ATP13A3: variants seen among roughly 807,000 people sequenced by gnomAD.
ATP13A3 encodes the protein polyamine-transporting ATPase 13A3.
Under a neutral mutation model 158.1 loss-of-function variants are expected in ATP13A3, and 59 were observed. That is an observed-to-expected ratio of 0.37 (90% CI 0.30 to 0.46). ATP13A3 has a LOEUF of 0.46. Among genes scored for constraint, ATP13A3 ranks in the 20% least tolerant of loss-of-function variants. The pLI, the probability that ATP13A3 is intolerant of heterozygous loss-of-function variation, is 1.00. For synonymous variants in ATP13A3, 491 were observed against 504.3 expected (o/e 0.97, Z 0.35); for missense variants, 1,166 against 1,525.2 (o/e 0.76, Z 3.92).
intron 21 of ATP13A3, 39 bp downstream of exon 21, chr3:194,433,733 A>G (rs755004003): frequency 3.1e-6 from 5 of 1,610,890 alleles, no homozygotes; most frequent in Non-Finnish European, 4.2e-6. Flanking sequence ...CAGCTCTGTC[A>G]CACTCCATTT....
chr3:194,462,014 A>G, intron 3 of ATP13A3, 126 bp downstream of exon 3: 2 of 822,096 alleles, frequency 2.4e-6, no homozygotes, highest in South Asian at 3.1e-5. Context: ...CACAGGATGA[A>G]GAAAGAAGCC....
chr3:194,468,758 A>G (rs1720150506), intron 2 of ATP13A3, among the ~76,000 whole-genome samples: 2 of 152,242 alleles, frequency 1.3e-5, no homozygotes, highest in African/African-American at 2.4e-5. Context: ...AGTGATTTAA[A>G]TAACGACCTG....
At chr3:194,411,727 A>T (rs1715449690) in intron 33 of ATP13A3, among the ~76,000 whole-genome samples, 1 of 152,226 alleles carries the variant, frequency 6.6e-6, no homozygotes, top group South Asian at 2.1e-4. Context: ...AAGGGACAGT[A>T]ACTGACAAGA....
intron 15 of ATP13A3, among the ~76,000 whole-genome samples, chr3:194,442,834 G>C (rs1434376741): frequency 6.6e-6 from 1 of 151,972 alleles, no homozygotes; most frequent in Non-Finnish European, 1.5e-5. Context: ...AGAAAAAAAA[G>C]ATTACTAAAA....
chr3:194,410,321 A>AAAAC (rs1715297262), intron 33 of ATP13A3, among the ~76,000 whole-genome samples: 8 of 119,114 alleles, frequency 6.7e-5, no homozygotes, highest in Admixed American at 5.7e-4. Flanking sequence ...AAAAAAAAAA[A>AAAAC]AAAAAAAAAA....
At chr3:194,428,292 C>A (rs530345997) in intron 28 of ATP13A3, among the ~76,000 whole-genome samples, 2 of 151,494 alleles carry the variant, frequency 1.3e-5, no homozygotes, top group East Asian at 1.9e-4. Flanking sequence ...TGAAAAGATA[C>A]TTTGAGACTG....
rs1042971169 is a variant in ATP13A3, at chr3:194,427,323, T to C, written c.2948-71A>G. 11 of 1,359,866 alleles carry C rather than the reference T, an allele frequency of 8.1e-6. No individual in the cohort carries two copies. In the African/African-American group the frequency reaches 1.6e-4, roughly 20 times the overall value. The allele number at this position is 1,359,866 out of a possible 1,614,324, so 84.2% of individuals were successfully genotyped here. On this transcript the variant is annotated intron_variant, in intron 28 of 33. Transcript: ENST00000645319. ...TATCACTATATAAGGCATAACTAGA[T>C]TCATTTAGGAACTTTAAAAATTTGT...
intron 30 of ATP13A3, among the ~76,000 whole-genome samples, chr3:194,420,960 G>A (rs1244669656): frequency 6.7e-6 from 1 of 149,340 alleles, no homozygotes; most frequent in Non-Finnish European, 1.5e-5. Flanking sequence ...TTTACTGACT[G>A]TAAATGAAGG....
intron 1 of ATP13A3, among the ~76,000 whole-genome samples, 195 bp from the exon 2 acceptor site, chr3:194,486,030 A>G (rs1720952602): frequency 6.6e-6 from 1 of 152,162 alleles, no homozygotes; most frequent in South Asian, 2.1e-4. Flanking sequence ...GAAAGGCCAT[A>G]GCGAGAGTGG....
At chr3:194,433,232 CTTTTTTTTTT>C (rs71637136) in intron 21 of ATP13A3, among the ~76,000 whole-genome samples, 1 of 113,658 alleles carries the variant, frequency 8.8e-6, no homozygotes, top group African/African-American at 3.5e-5. Flanking sequence ...TTTTACTATT[CTTTTTTTTTT>C]TTTTTTTTTT....
At chr3:194,435,275 A>C (rs1284503593) in intron 20 of ATP13A3, among the ~76,000 whole-genome samples, 1 of 152,226 alleles carries the variant, frequency 6.6e-6, no homozygotes, top group African/African-American at 2.4e-5. Flanking sequence ...ATGTGAAGAC[A>C]ATGTGTCAAA....
chr3:194,429,980 A>G, intron 26 of ATP13A3, 92 bp downstream of exon 26: 1 of 1,208,616 alleles, frequency 8.3e-7, no homozygotes, highest in Non-Finnish European at 1.2e-6. Flanking sequence ...TGCTAATATT[A>G]AACAAATTCA....
chr3:194,422,547 T>A (rs984296179), intron 30 of ATP13A3, among the ~76,000 whole-genome samples: 1 of 152,152 alleles, frequency 6.6e-6, no homozygotes, highest in African/African-American at 2.4e-5. Context: ...AAGGATTCTG[T>A]AGGAAATAAG....
chr3:194,445,098 T>A (rs1327261413), intron 14 of ATP13A3, among the ~76,000 whole-genome samples: 1 of 152,016 alleles, frequency 6.6e-6, no homozygotes, highest in East Asian at 1.9e-4. Flanking sequence ...AGTTAACCTA[T>A]CTTATCAATC....
In ATP13A3 at chr3:194,481,654, A is replaced by AG. The variant is rs1340234762; in HGVS notation, c.-47+4139dup. 1.4e-4 allele frequency among the ~76,000 whole-genome samples: 21 copies of AG among 152,246 alleles called. 1 individual carries two copies. Among genetic ancestry groups the AG allele is most frequent in the Non-Finnish European group, 2.9e-5 (2 of 68,038 alleles). ...AAAAATAAGAAAAACTCACTGAGCT[A>AG]GAACCATCTTTCACCTTACCACCCA... is the stretch of plus-strand genomic sequence containing the variant. On this transcript the variant is annotated intron_variant, in intron 2 of 33. Coordinates refer to ENST00000645319, the MANE Select transcript of ATP13A3 (RefSeq NM_001367549.1).
chr3:194,490,986 A>G (rs1245398741), upstream of ATP13A3, among the ~76,000 whole-genome samples: 1 of 152,194 alleles, frequency 6.6e-6, no homozygotes, highest in Non-Finnish European at 1.5e-5. The surrounding 1 kb of genome is among the most constrained non-coding windows in gnomAD (Gnocchi z 4.4). Flanking sequence ...TCCACTAAAC[A>G]TACATAAATT....
In ATP13A3 at chr3:194,405,566, G is replaced by C. The variant is rs1714873964; in HGVS notation, c.*353C>G. 9.8e-6 allele frequency: 2 copies of C among 204,252 alleles called. No homozygotes were observed. Among genetic ancestry groups the C allele is most frequent in the Non-Finnish European group, 2.0e-5 (2 of 99,716 alleles). The allele number at this position is 204,252 out of a possible 1,614,324, so 12.7% of individuals were successfully genotyped here. ...GGGTTGTGAGCATAAATGTGAAGAGGTAAACTAGTCTCAAAAACTAATGTT... is the reference window on the plus strand; with the variant it reads ...GGGTTGTGAGCATAAATGTGAAGAGCTAAACTAGTCTCAAAAACTAATGTT... On this transcript the variant is annotated 3_prime_UTR_variant, in exon 34 of 34. Coordinates refer to ENST00000645319, the MANE Select transcript of ATP13A3 (RefSeq NM_001367549.1).
intron 11 of ATP13A3, among the ~76,000 whole-genome samples, 167 bp downstream of exon 11, chr3:194,449,978 T>C (rs575429689): frequency 2.6e-5 from 4 of 152,142 alleles, no homozygotes; most frequent in Admixed American, 6.5e-5. Context: ...GTATTACAGC[T>C]GAGTATAATG....
rs998276458 is a variant in ATP13A3, at chr3:194,405,006, T to C, written c.*913A>G. On this transcript the variant is annotated 3_prime_UTR_variant, in exon 34 of 34. Transcript: ENST00000645319. ...TTAAAAAAAACTATTATCCTATGTC[T>C]TTAGGTAATTGAAAACATAGAAGAA... 2 of 152,212 alleles carry C rather than the reference T, an allele frequency of 1.3e-5. No individual in the cohort carries two copies. Among genetic ancestry groups the C allele is most frequent in the African/African-American group, 4.8e-5 (2 of 41,460 alleles). 9.4% of individuals were successfully genotyped at this position (152,212 alleles called of 1,614,324 possible).
Sources: gnomAD v4.1 joint callset for allele counts (sites outside exome capture counted in the v4.1 genomes callset) on GRCh38, gnomAD v4.1.1 for gene constraint, Gnocchi (gnomAD v3.1) non-coding constraint, MANE v1.5 for transcripts, NCBI Gene and HGNC (gene_info 2026-07-23, HGNC 2026-07-21) for gene names.